ZNF267: variants seen among roughly 807,000 people sequenced by gnomAD.
The protein encoded by ZNF267 is zinc finger (C2H2).
In ZNF267, 61 loss-of-function variants were observed where a neutral mutation model predicts 71.6. That is an observed-to-expected ratio of 0.85 (90% CI 0.69 to 1.05). ZNF267 has a LOEUF of 1.05. Among genes scored for constraint, ZNF267 ranks in the 50% least tolerant of loss-of-function variants. The pLI, the probability that ZNF267 is intolerant of heterozygous loss-of-function variation, is 0.00. For synonymous variants in ZNF267, 288 were observed against 293.2 expected, an observed-to-expected ratio of 0.98 and a Z score of 0.18; for missense variants, 852 against 870.0, an observed-to-expected ratio of 0.98 and a Z score of 0.26.
At chr16:31,913,857 A>G (rs1249387058) in intron 3 of ZNF267, 17 of 152,376 alleles carry the variant, frequency 1.1e-4, no homozygotes, top group Admixed American at 1.1e-3. Context: ...GCAGGTCCAG[A>G]AATGCTGACT....
intron 3 of ZNF267, among the ~76,000 whole-genome samples, chr16:31,905,647 A>G (rs944950991): frequency 3.3e-5 from 5 of 151,970 alleles, no homozygotes; most frequent in Admixed American, 3.3e-4. Flanking sequence ...CAGGTCCTTT[A>G]AGGACTTCTC....
chr16:31,909,053 G>A (rs2084113912), intron 3 of ZNF267, among the ~76,000 whole-genome samples: 1 of 106,442 alleles, frequency 9.4e-6, no homozygotes, highest in Non-Finnish European at 2.0e-5. Context: ...CCATTGACAT[G>A]GGATATTTTT....
chr16:31,899,656 C>A (rs1488276425), intron 3 of ZNF267, among the ~76,000 whole-genome samples: 1 of 151,860 alleles, frequency 6.6e-6, no homozygotes, highest in Non-Finnish European at 1.5e-5. Flanking sequence ...CTTAAAATTA[C>A]ATAGTGAAAG....
At chr16:31,900,957 C>G (rs528457522) in intron 3 of ZNF267, among the ~76,000 whole-genome samples, 7 of 152,178 alleles carry the variant, frequency 4.6e-5, no homozygotes, top group South Asian at 2.1e-4. Context: ...CCTCTCCCCC[C>G]ACCCCACAAC....
intron 3 of ZNF267, among the ~76,000 whole-genome samples, chr16:31,910,163 A>AT: frequency 1.3e-5 from 2 of 148,160 alleles, no homozygotes; most frequent in African/African-American, 5.3e-5. Flanking sequence ...GTTTGCTAAC[A>AT]CTTTGTTATT....
chr16:31,898,644 A>G (rs1596622699), intron 3 of ZNF267, among the ~76,000 whole-genome samples: 1 of 152,102 alleles, frequency 6.6e-6, no homozygotes, highest in Non-Finnish European at 1.5e-5. Context: ...TACACAAAAC[A>G]TCTTAAAATT....
chr16:31,906,740 C>T (rs2084093818), intron 3 of ZNF267, among the ~76,000 whole-genome samples: 1 of 152,058 alleles, frequency 6.6e-6, no homozygotes, highest in African/African-American at 2.4e-5. Flanking sequence ...TGAGGCAGTG[C>T]CTCACCCTGC....
chr16:31,902,668 C>G (rs1263382437), intron 3 of ZNF267, among the ~76,000 whole-genome samples: 1 of 152,164 alleles, frequency 6.6e-6, no homozygotes, highest in Non-Finnish European at 1.5e-5. Context: ...GCTGAAGTTG[C>G]TTATCAGCTT....
At chr16:31,878,943 CT>C (rs540608633) in intron 1 of ZNF267, among the ~76,000 whole-genome samples, 8 of 150,374 alleles carry the variant, frequency 5.3e-5, no homozygotes, top group Admixed American at 1.3e-4. Context: ...AGAAATTTTT[CT>C]TTTTTTTTTT....
chr16:31,881,661 TTTC>T (rs1026028815), intron 1 of ZNF267, among the ~76,000 whole-genome samples: 32 of 151,380 alleles, frequency 2.1e-4, no homozygotes, highest in Admixed American at 5.3e-4. Flanking sequence ...AGAAATTCTT[TTTC>T]TTCTTCTTTT....
intron 3 of ZNF267, among the ~76,000 whole-genome samples, chr16:31,906,830 T>G (rs1254426577): frequency 6.6e-6 from 1 of 151,878 alleles, no homozygotes; most frequent in Non-Finnish European, 1.5e-5. Context: ...ACCCAGTGCC[T>G]CAGTTGGAAA....
At position 31,916,060 on chromosome 16, in the gene ZNF267, A is replaced by AT. The variant is rs749386759; in HGVS notation, c.1812dup (p.Thr605TyrfsTer3). The stretch of plus-strand genomic sequence containing the variant: ...CGAACTCATACTGGAGAGAAACCCT[A>AT]TACATGTAAAGAATGTGGCAAAGCC... On this transcript the variant is annotated frameshift_variant, in exon 4 of 4. Coordinates refer to ENST00000300870, the MANE Select transcript of ZNF267 (RefSeq NM_003414.6). LOFTEE classifies it high-confidence loss of function. The AT allele has an allele frequency of 6.2e-7, 1 of 1,614,006 alleles. No homozygotes were observed. Among genetic ancestry groups the AT allele is most frequent in the African/African-American group, 1.3e-5 (1 of 74,946 alleles).
At chr16:31,906,386 G>A (rs953587045) in intron 3 of ZNF267, among the ~76,000 whole-genome samples, 2 of 152,290 alleles carry the variant, frequency 1.3e-5, no homozygotes, top group East Asian at 1.9e-4. Flanking sequence ...TGGAGTCTAC[G>A]GAGGCAGGCA....
intron 3 of ZNF267, 50 bp from the exon 4 acceptor site, chr16:31,914,426 A>G: frequency 6.9e-7 from 1 of 1,442,010 alleles, no homozygotes; most frequent in South Asian, 1.5e-5. Flanking sequence ...TGTAAAATAT[A>G]TGTACCTGAA....
chr16:31,876,571 A>G (rs1024960825), intron 1 of ZNF267, among the ~76,000 whole-genome samples: 3 of 152,284 alleles, frequency 2.0e-5, no homozygotes, highest in Admixed American at 6.5e-5. Context: ...TTGTTTATAT[A>G]TGATTATTTA....
intron 3 of ZNF267, among the ~76,000 whole-genome samples, chr16:31,903,863 T>G (rs1029972716): frequency 2.0e-5 from 3 of 152,230 alleles, no homozygotes; most frequent in Non-Finnish European, 2.9e-5. Flanking sequence ...TCTCTAGTTC[T>G]TTTAATTGTG....
intron 3 of ZNF267, among the ~76,000 whole-genome samples, chr16:31,902,337 A>C (rs2084048475): frequency 6.6e-6 from 1 of 152,072 alleles, no homozygotes; most frequent in African/African-American, 2.4e-5. Flanking sequence ...GAAGAAAGTC[A>C]TTGGTAGCTT....
At position 31,916,429 on chromosome 16, in the gene ZNF267, C is replaced by A. The variant is rs1241245879; in HGVS notation, c.2180C>A (p.Ser727Tyr). ...GAAGAATGTGGCAAAGCCTTTAACT[C>A]TAGGTCATACCTCATTGCACATCAG... ...KCEECGKAFN[S>Y]RSYLIAHQRS... The change falls in exon 4 of 4, where the codon TCT becomes TAT. Residue 727 changes from serine to tyrosine, a missense_variant. Ser to Tyr is a moderately radical substitution (Grantham distance 144, BLOSUM62 -2). Coordinates refer to ENST00000300870, the MANE Select transcript of ZNF267 (RefSeq NM_003414.6). The A allele has an allele frequency of 6.2e-7, 1 of 1,613,946 alleles. No individual in the cohort carries two copies. Among genetic ancestry groups the A allele is most frequent in the Non-Finnish European group, 8.5e-7 (1 of 1,179,950 alleles).
rs2084184768 is a variant in ZNF267 at position 31,917,102 on chromosome 16, G to GT, written c.*623dup. The stretch of plus-strand genomic sequence containing the variant: ...TTTATATAATTCAGCTTTCAAATCT[G>GT]TTGCTGCTTTTCCTTAATCCGTGGT... On this transcript the variant is annotated 3_prime_UTR_variant, in exon 4 of 4. Transcript: ENST00000300870. 1 of 152,012 alleles carries GT rather than the reference G, an allele frequency of 6.6e-6. No homozygotes were observed. The allele number at this position is 152,012 out of a possible 1,614,324, so 9.4% of individuals were successfully genotyped here.
Sources: gnomAD v4.1 joint callset for allele counts (sites outside exome capture counted in the v4.1 genomes callset) on GRCh38, gnomAD v4.1.1 for gene constraint, MANE v1.5 for transcripts, NCBI Gene and HGNC (gene_info 2026-07-23, HGNC 2026-07-21) for gene names.